The following TMIE variants were observed in gnomAD, a reference collection of about 807,000 sequenced individuals.
The protein encoded by TMIE is transmembrane inner ear expressed protein.
A neutral mutation model predicts 16.8 loss-of-function variants in TMIE; 14 were observed. That is an observed-to-expected ratio of 0.83 (90% CI 0.55 to 1.30). The LOEUF is 1.30. TMIE is among the 50% of genes most tolerant of loss of function. TMIE has a pLI of 0.00. For missense variants in TMIE, 204 were observed against 205.9 expected (o/e 0.99, Z 0.06); for synonymous variants, 75 against 87.2 (o/e 0.86, Z 0.78).
chr3:46,694,264 T>A (rs1022052261), upstream of TMIE, among the ~76,000 whole-genome samples: 8 of 152,048 alleles, frequency 5.3e-5, no homozygotes, highest in East Asian at 1.6e-3. Context: ...CACTCCTGAG[T>A]CTCAACAGGC....
At chr3:46,707,723 G>T (rs1022275207) in intron 2 of TMIE, among the ~76,000 whole-genome samples, 1 of 152,214 alleles carries the variant, frequency 6.6e-6, no homozygotes, top group Non-Finnish European at 1.5e-5. Context: ...GAAGTGAGGG[G>T]TGGTGTTTGA....
At chr3:46,706,754 C>CG (rs1700557497) in intron 2 of TMIE, among the ~76,000 whole-genome samples, 1 of 152,126 alleles carries the variant, frequency 6.6e-6, no homozygotes, top group East Asian at 1.9e-4. Context: ...AAAGGCATTC[C>CG]GGGAGAGGGG....
At chr3:46,701,036 C>A (rs184758218), upstream of TMIE, among the ~76,000 whole-genome samples, 176 of 151,994 alleles carry the variant, frequency 1.2e-3, no homozygotes, top group African/African-American at 4.1e-3. The surrounding 1 kb of genome is among the most constrained non-coding windows in gnomAD (Gnocchi z 4.3). Context: ...GCTCTGCCCC[C>A]CCCCCAAACT....
At chr3:46,702,971 A>T (rs1700496597) in intron 1 of TMIE, among the ~76,000 whole-genome samples, 1 of 152,168 alleles carries the variant, frequency 6.6e-6, no homozygotes, top group Admixed American at 6.5e-5. Flanking sequence ...GGGTTAAGTC[A>T]GTTCTCAGCC....
At chr3:46,704,564 C>G (rs546159340) in intron 1 of TMIE, among the ~76,000 whole-genome samples, 3 of 142,672 alleles carry the variant, frequency 2.1e-5, no homozygotes, top group East Asian at 2.2e-4. Flanking sequence ...AGGACCATGT[C>G]CCCTAGACGC....
chr3:46,699,555 G>A (rs1171149423), upstream of TMIE, among the ~76,000 whole-genome samples: 1 of 152,178 alleles, frequency 6.6e-6, no homozygotes, highest in Non-Finnish European at 1.5e-5. Flanking sequence ...GTTAAAAAAA[G>A]TTCTGGGTAC....
Position 46,705,858 on chromosome 3 carries a change from G to A in TMIE, c.162G>A (p.Met54Ile), listed in dbSNP as rs535245719. The change falls in exon 2 of 4, where the codon ATG becomes ATA. Residue 54 changes from methionine to isoleucine, a missense_variant. By Grantham distance (10) the Met-to-Ile change is conservative. Coordinates refer to ENST00000643606, the MANE Select transcript of TMIE (RefSeq NM_147196.3). ...LTKETVVFWD[M>I]RLWHVVGIFS... ...AGGAGACAGTGGTGTTCTGGGACAT[G>A]CGCCTGTGGCACGTGGTGGGCATCT... 6.8e-6 allele frequency: 11 copies of A among 1,614,142 alleles called. No homozygotes were observed. In the African/African-American group the frequency reaches 8.0e-5, roughly 12 times the overall value.
At position 46,705,485 on chromosome 3, in the gene TMIE, G is replaced by A. The variant is rs7426919; in HGVS notation, c.94-305G>A. Among the ~76,000 whole-genome samples, 78,825 of 152,066 alleles carry A rather than the reference G, an allele frequency of 0.52. 20,648 individuals carry two copies. The highest frequency in any genetic ancestry group is 0.56 in the Non-Finnish European group (38,338 of 67,952). ...CTGGGTGGAGCCCAGGACTGGAGTA[G>A]GAGGGTGTGTTCATAGGGGCCTTGA... On this transcript the variant is annotated intron_variant, in intron 1 of 3. Coordinates refer to ENST00000643606, the MANE Select transcript of TMIE (RefSeq NM_147196.3).
At chr3:46,709,023 A>G in intron 2 of TMIE, 103 bp from the exon 3 acceptor site, 1 of 1,469,364 alleles carries the variant, frequency 6.8e-7, no homozygotes, top group Non-Finnish European at 9.4e-7. Context: ...CTGGTGGGTG[A>G]GACACATGTG....
At position 46,710,002 on chromosome 3, in the gene TMIE, T is replaced by C; in HGVS notation, c.*314T>C. The C allele has an allele frequency of 2.3e-6, 1 of 435,628 alleles. No individual in the cohort carries two copies. Among genetic ancestry groups the C allele is most frequent in the East Asian group, 4.7e-5 (1 of 21,168 alleles). The allele number at this position is 435,628 out of a possible 1,614,324, so 27.0% of individuals were successfully genotyped here. A position where few individuals can be genotyped will look rare whatever the true frequency, so the allele number is the denominator to read the frequency against. ...ACCCAGACCTGCCTGTCTCCCACCC[T>C]TTCTGCCAGGGATGGCAGTGGCTGT... On this transcript the variant is annotated 3_prime_UTR_variant, in exon 4 of 4. Coordinates refer to ENST00000643606, the MANE Select transcript of TMIE (RefSeq NM_147196.3).
rs1348671801 is a variant in TMIE at position 46,701,670 on chromosome 3, G to A, written c.93+90G>A. On this transcript the variant is annotated intron_variant, in intron 1 of 3. Coordinates refer to ENST00000643606, the MANE Select transcript of TMIE (RefSeq NM_147196.3). This position sits in a 1 kb window ranked among gnomAD's most constrained non-coding sequence, Gnocchi z 4.3. The stretch of plus-strand genomic sequence containing the variant: ...GGGACGCCTTTTTGATCCGGAGCTT[G>A]TTTGATCCCTTACTCTTGCCCTGAG... The A allele has an allele frequency of 1.9e-6, 2 of 1,050,278 alleles. No homozygotes were observed. Among genetic ancestry groups the A allele is most frequent in the East Asian group, 3.3e-5 (1 of 30,606 alleles). 65.1% of individuals were successfully genotyped at this position (1,050,278 alleles called of 1,614,324 possible). A position where few individuals can be genotyped will look rare whatever the true frequency, so the allele number is the denominator to read the frequency against.
Position 46,701,589 on chromosome 3 carries a change from G to GCGGCA in TMIE, c.93+13_93+17dup. The GCGGCA allele has an allele frequency of 7.8e-7, 1 of 1,284,228 alleles. No homozygotes were observed. The highest frequency in any genetic ancestry group is 2.7e-5 in the South Asian group (1 of 37,212). 79.6% of individuals were successfully genotyped at this position (1,284,228 alleles called of 1,614,324 possible). ...CCGGGCAGCTGGTGGAGGTGAGGCC[G>GCGGCA]CGGCACGGAGGGACTGGGGAGGCTG... is the stretch of plus-strand genomic sequence containing the variant. On this transcript the variant is annotated intron_variant, in intron 1 of 3. Coordinates refer to ENST00000643606, the MANE Select transcript of TMIE (RefSeq NM_147196.3). This position sits in a 1 kb window ranked among gnomAD's most constrained non-coding sequence, Gnocchi z 4.3.
At chr3:46,706,717 G>C (rs1337251343) in intron 2 of TMIE, among the ~76,000 whole-genome samples, 1 of 152,206 alleles carries the variant, frequency 6.6e-6, no homozygotes, top group East Asian at 1.9e-4. Context: ...GGGAGGGTAG[G>C]TGGGGTTTTG....
At chr3:46,700,854 GA>G (rs1700461139), upstream of TMIE, among the ~76,000 whole-genome samples, 3 of 152,094 alleles carry the variant, frequency 2.0e-5, no homozygotes, top group Admixed American at 1.3e-4. Context: ...TGGGGCTGAA[GA>G]TGCTGGCTTC....
chr3:46,695,295 T>C (rs1163849991), intron 1 of TMIE, among the ~76,000 whole-genome samples: 5 of 152,236 alleles, frequency 3.3e-5, no homozygotes, highest in Non-Finnish European at 7.3e-5. Context: ...GAGGTAGCGG[T>C]ACATTCTGGA....
In TMIE at chr3:46,701,521, G is replaced by A. The variant is rs397517867; in HGVS notation, c.34G>A (p.Val12Met). 6 of 1,323,690 alleles carry A rather than the reference G, an allele frequency of 4.5e-6. No homozygotes were observed. Among genetic ancestry groups the A allele is most frequent in the Non-Finnish European group, 4.8e-6 (5 of 1,040,944 alleles). The allele number at this position is 1,323,690 out of a possible 1,614,324, so 82.0% of individuals were successfully genotyped here. A position where few individuals can be genotyped will look rare whatever the true frequency, so the allele number is the denominator to read the frequency against. The change falls in exon 1 of 4, where the codon GTG (valine) becomes ATG (methionine). Residue 12 changes from valine (V) to methionine (M), a missense_variant. Val to Met is a conservative substitution (Grantham distance 21). Transcript: ENST00000643606. The surrounding 1 kb of genome is among the most constrained non-coding windows in gnomAD (Gnocchi z 4.3). ...GTGGCCGGGCGCGGGTCCCCTCTGC[G>A]TGCTGGGCGGCGCCGCACTCGGGGT... ...AGWPGAGPLCVLGGAALGVCL... is the reference protein window; with the variant it reads ...AGWPGAGPLCMLGGAALGVCL...
rs1488522286 is a variant in TMIE, at chr3:46,709,880, A to C, written c.*192A>C. On this transcript the variant is annotated 3_prime_UTR_variant, in exon 4 of 4. Coordinates refer to ENST00000643606, the MANE Select transcript of TMIE (RefSeq NM_147196.3). ...CAATCTCGTAGGTGTCCTGCCCCCCAGCCTAGGCTTGGCTCCTTTCACCCC... is the reference window on the plus strand; with the variant it reads ...CAATCTCGTAGGTGTCCTGCCCCCCCGCCTAGGCTTGGCTCCTTTCACCCC... 6.5e-6 allele frequency: 8 copies of C among 1,222,658 alleles called. No individual in the cohort carries two copies. Among genetic ancestry groups the C allele is most frequent in the Admixed American group, 2.4e-5 (1 of 40,942 alleles). 75.7% of individuals were successfully genotyped at this position (1,222,658 alleles called of 1,614,324 possible).
At chr3:46,708,137 CATTG>C (rs773066297) in intron 2 of TMIE, among the ~76,000 whole-genome samples, 16 of 152,192 alleles carry the variant, frequency 1.1e-4, no homozygotes, top group Non-Finnish European at 2.1e-4. Context: ...TTCATTCATT[CATTG>C]ATTTTTTTCT....
In TMIE at chr3:46,709,883, C is replaced by A; in HGVS notation, c.*195C>A. 1 of 1,156,048 alleles carries A rather than the reference C, an allele frequency of 8.7e-7. No individual in the cohort carries two copies. The highest frequency in any genetic ancestry group is 1.2e-6 in the Non-Finnish European group (1 of 824,854). 71.6% of individuals were successfully genotyped at this position (1,156,048 alleles called of 1,614,324 possible). A position where few individuals can be genotyped will look rare whatever the true frequency, so the allele number is the denominator to read the frequency against. On this transcript the variant is annotated 3_prime_UTR_variant, in exon 4 of 4. Transcript: ENST00000643606. ...TCTCGTAGGTGTCCTGCCCCCCAGC[C>A]TAGGCTTGGCTCCTTTCACCCCATC...
Sources: allele counts gnomAD v4.1 joint callset (sites outside exome capture counted in the v4.1 genomes callset), GRCh38; gene constraint gnomAD v4.1.1; non-coding constraint Gnocchi (gnomAD v3.1); transcripts MANE v1.5; gene names NCBI Gene and HGNC (gene_info 2026-07-23, HGNC 2026-07-21).